Variants in COL28A1 observed in about 807,000 individuals in gnomAD.
COL28A1 encodes collagen type XXVIII alpha 1 chain.
Under a neutral mutation model 150.2 loss-of-function variants are expected in COL28A1, and 161 were observed. The observed-to-expected ratio is 1.07, with a 90% confidence interval of 0.94 to 1.22. COL28A1 has a LOEUF of 1.22. Ranked by LOEUF, COL28A1 falls within the 50% of genes most tolerant of loss-of-function variation. The pLI is 0.00. For synonymous variants in COL28A1, 552 were observed against 469.7 expected (o/e 1.18, Z -2.26); for missense variants, 1,617 against 1,388.3 (o/e 1.16, Z -2.62).
chr7:7,440,574 T>C (rs1785695910), intron 21 of COL28A1, among the ~76,000 whole-genome samples: 1 of 152,210 alleles, frequency 6.6e-6, no homozygotes. Context: ...GGAACATAAG[T>C]ATTTCTATGA....
rs190782611 is a variant in COL28A1 at position 7,524,287 on chromosome 7, A to G, written c.682-38T>C. ...AAAGAATGAAGCATTAACTCGATTG[A>G]TAGTTCTGCCTCCAGCTACTTATTA... On this transcript the variant is annotated intron_variant, in intron 3 of 34. Coordinates refer to ENST00000399429, the MANE Select transcript of COL28A1 (RefSeq NM_001037763.3). The G allele has an allele frequency of 2.7e-5, 31 of 1,144,368 alleles. No individual in the cohort carries two copies. The Admixed American group carries it at 5.2e-4, about 19-fold the overall frequency. 70.9% of individuals were successfully genotyped at this position (1,144,368 alleles called of 1,614,324 possible).
At chr7:7,449,631 C>A (rs1208713687) in intron 18 of COL28A1, among the ~76,000 whole-genome samples, 3 of 151,692 alleles carry the variant, frequency 2.0e-5, no homozygotes, top group Admixed American at 6.6e-5. Context: ...GCAAGAGATT[C>A]CACAAACAGA....
rs563824805 is a variant in COL28A1, at chr7:7,382,515, C to T, written c.2137-903G>A. Among the ~76,000 whole-genome samples the T allele has an allele frequency of 3.9e-5, 6 of 152,194 alleles. No individual in the cohort carries two copies. The South Asian group carries it at 8.3e-4, about 21-fold the overall frequency. On this transcript the variant is annotated intron_variant, in intron 27 of 34. Transcript: ENST00000399429. The stretch of plus-strand genomic sequence containing the variant: ...ACATTATTTCTTGCCCCACCCAAAC[C>T]ACACAGTTTCCAAGGGGTTTCATGG...
intron 27 of COL28A1, among the ~76,000 whole-genome samples, chr7:7,395,203 G>A (rs947644639): frequency 3.3e-5 from 5 of 152,108 alleles, no homozygotes; most frequent in African/African-American, 1.2e-4. Context: ...TGAGGCAGGA[G>A]AATCACTTGA....
intron 15 of COL28A1, among the ~76,000 whole-genome samples, chr7:7,465,089 A>T (rs1787954530): frequency 6.6e-6 from 1 of 152,114 alleles, no homozygotes; most frequent in Admixed American, 6.5e-5. Context: ...GAAAAGATAC[A>T]ACCGGGGGAG....
intron 11 of COL28A1, among the ~76,000 whole-genome samples, chr7:7,504,095 C>A (rs116236525): frequency 6.6e-6 from 1 of 152,050 alleles, no homozygotes; most frequent in African/African-American, 2.4e-5. Context: ...TTATAACCAA[C>A]CCCCCCAAAA....
intron 13 of COL28A1, among the ~76,000 whole-genome samples, chr7:7,485,068 C>G (rs535599555): frequency 4.6e-5 from 7 of 152,014 alleles, no homozygotes; most frequent in Non-Finnish European, 1.0e-4. Flanking sequence ...TACACCAAAC[C>G]CCTGTGACAT....
At chr7:7,481,631 C>T (rs1475544077) in intron 13 of COL28A1, among the ~76,000 whole-genome samples, 1 of 152,160 alleles carries the variant, frequency 6.6e-6, no homozygotes, top group Non-Finnish European at 1.5e-5. Flanking sequence ...TATCAGTTAA[C>T]ACAGCCTGAT....
At chr7:7,515,234 T>C (rs1781355720) in intron 8 of COL28A1, among the ~76,000 whole-genome samples, 2 of 152,284 alleles carry the variant, frequency 1.3e-5, no homozygotes, top group South Asian at 2.1e-4. Context: ...GTATGACTTG[T>C]TAATCCCTTT....
At chr7:7,469,665 C>T (rs1403551905) in intron 15 of COL28A1, among the ~76,000 whole-genome samples, 3 of 99,078 alleles carry the variant, frequency 3.0e-5, no homozygotes, top group Non-Finnish European at 6.0e-5. Context: ...AATCCCAAGC[C>T]AAAAGAACAA....
At chr7:7,459,250 T>C (rs1175060844) in intron 15 of COL28A1, among the ~76,000 whole-genome samples, 1 of 152,258 alleles carries the variant, frequency 6.6e-6, no homozygotes, top group Non-Finnish European at 1.5e-5. Flanking sequence ...TATTCAGTTC[T>C]CGCTGCTCCA....
intron 11 of COL28A1, among the ~76,000 whole-genome samples, chr7:7,499,720 C>T (rs1289849932): frequency 6.6e-6 from 1 of 152,086 alleles, no homozygotes; most frequent in African/African-American, 2.4e-5. Flanking sequence ...GTTTAAAATT[C>T]TTTATAATTG....
intron 4 of COL28A1, among the ~76,000 whole-genome samples, chr7:7,522,556 A>G (rs1034283525): frequency 3.9e-5 from 6 of 152,178 alleles, no homozygotes; most frequent in African/African-American, 1.4e-4. Flanking sequence ...TTGCACATGC[A>G]CTTCAAAACT....
At chr7:7,426,726 C>T (rs1275658002) in intron 25 of COL28A1, among the ~76,000 whole-genome samples, 1 of 152,208 alleles carries the variant, frequency 6.6e-6, no homozygotes, top group South Asian at 2.1e-4. Context: ...ACAGCTGTAT[C>T]TCATAGTCCC....
chr7:7,464,098 A>C (rs983806773), intron 15 of COL28A1, among the ~76,000 whole-genome samples: 2 of 152,236 alleles, frequency 1.3e-5, no homozygotes, highest in African/African-American at 2.4e-5. Flanking sequence ...GGCCTTGTCC[A>C]ACAGGAAAAC....
At chr7:7,496,805 T>A (rs927659092) in intron 11 of COL28A1, among the ~76,000 whole-genome samples, 10 of 152,226 alleles carry the variant, frequency 6.6e-5, no homozygotes, top group African/African-American at 2.4e-4. Flanking sequence ...TAGCAACTTT[T>A]AAAAATCATT....
At chr7:7,542,691 T>G in the COL28A1 span, among the ~76,000 whole-genome samples, 41 of 152,172 alleles carry the variant, frequency 2.7e-4, no homozygotes, top group Non-Finnish European at 4.6e-4. Flanking sequence ...CGGGAGCCAC[T>G]GAACAATTTT....
chr7:7,361,954 C>T (rs1371074814), intron 33 of COL28A1, among the ~76,000 whole-genome samples: 3 of 152,192 alleles, frequency 2.0e-5, no homozygotes, highest in Non-Finnish European at 2.9e-5. Context: ...ACCACATGTT[C>T]TCATTCGTAA....
At chr7:7,520,213 G>C (rs1781643644) in intron 5 of COL28A1, 98 bp from the exon 6 acceptor site, 1 of 628,064 alleles carries the variant, frequency 1.6e-6, no homozygotes. Context: ...TAGAATGAGG[G>C]AGAATTGTAA....
Sources: allele counts gnomAD v4.1 joint callset (sites outside exome capture counted in the v4.1 genomes callset), GRCh38; gene constraint gnomAD v4.1.1; transcripts MANE v1.5; gene names NCBI Gene and HGNC (gene_info 2026-07-23, HGNC 2026-07-21).